Variants in LRFN2 observed in about 807,000 individuals in gnomAD.
LRFN2 encodes the protein leucine rich repeat and fibronectin type III domain containing 2, also known as leucine-rich repeat and fibronectin type-III domain-containing protein 2.
LRFN2 carries 18 observed loss-of-function variants against 37.3 expected under a neutral mutation model. The observed-to-expected ratio is 0.48, with a 90% CI of 0.33 to 0.72. The LOEUF is 0.72. Ranked by LOEUF, LRFN2 falls within the 30% of genes least tolerant of loss-of-function variation. LRFN2 has a pLI of 0.02. For synonymous variants in LRFN2, 556 were observed against 466.6 expected (o/e 1.19, Z -2.47); for missense variants, 1,006 against 1,060.7 (o/e 0.95, Z 0.72).
chr6:40,477,316 C>T (rs190176896), intron 1 of LRFN2, among the ~76,000 whole-genome samples: 44 of 152,298 alleles, frequency 2.9e-4, no homozygotes, highest in Non-Finnish European at 5.6e-4. Context: ...GGGCTCTCCT[C>T]GAAGGCTGGC....
At chr6:40,411,102 C>T (rs1300675264) in intron 2 of LRFN2, among the ~76,000 whole-genome samples, 2 of 150,564 alleles carry the variant, frequency 1.3e-5, no homozygotes, top group African/African-American at 5.0e-5. Flanking sequence ...ACAGACTTAT[C>T]TCATCTGTAA....
chr6:40,400,264 T>C (rs1397397381), intron 2 of LRFN2, among the ~76,000 whole-genome samples: 1 of 151,752 alleles, frequency 6.6e-6, no homozygotes, highest in Non-Finnish European at 1.5e-5. Flanking sequence ...TGAGTAAATA[T>C]TTACCCTACG....
At chr6:40,561,397 C>A (rs1402460535) in intron 1 of LRFN2, among the ~76,000 whole-genome samples, 1 of 152,176 alleles carries the variant, frequency 6.6e-6, no homozygotes, top group South Asian at 2.1e-4. Context: ...AGGCAATGGC[C>A]GGTTGGGGAC....
In LRFN2 at chr6:40,482,786, CT is replaced by C. The variant is rs567102350; in HGVS notation, c.-18-49656del. Among the ~76,000 whole-genome samples, 358 of 152,314 alleles carry C rather than the reference CT, an allele frequency of 2.4e-3. 2 individuals are homozygous for C. Among genetic ancestry groups the C allele is most frequent in the African/African-American group, 7.6e-3 (317 of 41,574 alleles). ...TCCCCCTCCTGGCCAGGCCAGCTTT[CT>C]TTGGGATGGCTCAGGCTGGAGTGGA... On this transcript the variant is annotated intron_variant, in intron 1 of 2. Coordinates refer to ENST00000338305, the MANE Select transcript of LRFN2 (RefSeq NM_020737.3).
intron 2 of LRFN2, among the ~76,000 whole-genome samples, chr6:40,431,151 G>A (rs1763469374): frequency 6.6e-6 from 1 of 151,926 alleles, no homozygotes; most frequent in Admixed American, 6.6e-5. Context: ...AACTGAATAA[G>A]TGCATTTAGT....
intron 1 of LRFN2, among the ~76,000 whole-genome samples, chr6:40,501,077 C>T (rs1181666126): frequency 6.6e-6 from 1 of 151,170 alleles, no homozygotes; most frequent in Non-Finnish European, 1.5e-5. Flanking sequence ...TAAATAAATG[C>T]TGTAAGATAT....
intron 1 of LRFN2, among the ~76,000 whole-genome samples, chr6:40,539,537 C>T (rs752513692): frequency 6.6e-6 from 1 of 152,174 alleles, no homozygotes; most frequent in African/African-American, 2.4e-5. Context: ...CAGACACAGT[C>T]GTGGGAGCTT....
intron 1 of LRFN2, among the ~76,000 whole-genome samples, chr6:40,522,896 C>T (rs963916773): frequency 6.6e-6 from 1 of 152,194 alleles, no homozygotes; most frequent in Non-Finnish European, 1.5e-5. Context: ...GAAACTGGGG[C>T]TGAGTGTAAG....
At chr6:40,471,542 C>T (rs910713822) in intron 1 of LRFN2, among the ~76,000 whole-genome samples, 11 of 152,176 alleles carry the variant, frequency 7.2e-5, no homozygotes, top group Non-Finnish European at 1.6e-4. Flanking sequence ...GGTTCAAATT[C>T]CTGCTCTGCT....
At chr6:40,456,143 T>C (rs1360146662) in intron 1 of LRFN2, among the ~76,000 whole-genome samples, 1 of 152,194 alleles carries the variant, frequency 6.6e-6, no homozygotes, top group African/African-American at 2.4e-5. Context: ...GATATTCCCC[T>C]AGAATCAAGC....
chr6:40,568,409 C>T (rs1475238457), intron 1 of LRFN2, among the ~76,000 whole-genome samples: 2 of 152,180 alleles, frequency 1.3e-5, no homozygotes. Flanking sequence ...ATCAAGGAGA[C>T]TCTTAGACGG....
rs57136845 is a variant in LRFN2 at position 40,500,106 on chromosome 6, A to G, written c.-18-66975T>C. 4.8e-3 allele frequency among the ~76,000 whole-genome samples: 733 copies of G among 152,290 alleles called. 23 individuals carry two copies. In the East Asian group the frequency reaches 0.08, roughly 17 times the overall value. The stretch of plus-strand genomic sequence containing the variant: ...GCCCTCTTAGCCTCCACGACTGCAG[A>G]CAGCAATGCCTGGGTCCTGGGCCCT... On this transcript the variant is annotated intron_variant, in intron 1 of 2. Transcript: ENST00000338305.
rs1763529950 is a variant in LRFN2 at position 40,432,566 on chromosome 6, T to C, written c.548A>G (p.Asn183Ser). The C allele has an allele frequency of 2.5e-6, 4 of 1,614,214 alleles. No individual in the cohort carries two copies. Among genetic ancestry groups the C allele is most frequent in the Non-Finnish European group, 3.4e-6 (4 of 1,180,026 alleles). The change falls in exon 2 of 3, where the codon AAC becomes AGC. Residue 183 changes from asparagine to serine, a missense_variant. Physicochemically the swap from Asn to Ser is conservative, Grantham distance 46. Transcript: ENST00000338305. ...GCCCTCGGCGATGTGATCCAGCAGG[T>C]TGTGGTCCAGGCTCAGCTGGTGGAG... Reference protein sequence around the residue: ...VNLHQLSLDHNLLDHIAEGTF... With the variant: ...VNLHQLSLDHSLLDHIAEGTF...
chr6:40,565,097 G>A (rs958135998), intron 1 of LRFN2, among the ~76,000 whole-genome samples: 1 of 152,194 alleles, frequency 6.6e-6, no homozygotes, highest in Admixed American at 6.5e-5. Flanking sequence ...AGGGCAGGAT[G>A]TATAAGAGCC....
chr6:40,498,687 C>T (rs951260676), intron 1 of LRFN2, among the ~76,000 whole-genome samples: 1 of 152,206 alleles, frequency 6.6e-6, no homozygotes, highest in South Asian at 2.1e-4. Flanking sequence ...GGCAGCTGTA[C>T]ACAATCACTA....
At chr6:40,510,387 C>T (rs764857360) in intron 1 of LRFN2, among the ~76,000 whole-genome samples, 20 of 152,194 alleles carry the variant, frequency 1.3e-4, no homozygotes, top group Non-Finnish European at 2.4e-4. Context: ...CAACTGATGC[C>T]TCCCTGGTCA....
intron 1 of LRFN2, among the ~76,000 whole-genome samples, chr6:40,554,572 G>C (rs1308464347): frequency 6.6e-6 from 1 of 152,146 alleles, no homozygotes; most frequent in African/African-American, 2.4e-5. Flanking sequence ...GAGCAATCAC[G>C]AATGCAATGT....
intron 1 of LRFN2, among the ~76,000 whole-genome samples, chr6:40,523,417 A>G (rs952268187): frequency 6.6e-6 from 1 of 151,854 alleles, no homozygotes; most frequent in Admixed American, 6.6e-5. Context: ...CATTGATCAA[A>G]GTGGTGAAGG....
chr6:40,393,016 G>A (rs3734555), intron 2 of LRFN2, 104 bp from the exon 3 acceptor site: 249,976 of 845,748 alleles, frequency 0.3, 50,384 homozygotes, highest in Non-Finnish European at 0.32. Flanking sequence ...ATGGGGAGGG[G>A]GAGGGGAGGG....
Sources: allele counts gnomAD v4.1 joint callset (sites outside exome capture counted in the v4.1 genomes callset), GRCh38; gene constraint gnomAD v4.1.1; transcripts MANE v1.5; gene names NCBI Gene and HGNC (gene_info 2026-07-23, HGNC 2026-07-21).